The following PIR variants were observed in gnomAD, a reference collection of about 807,000 sequenced individuals.
PIR encodes pirin.
In PIR, 22 loss-of-function variants were observed where a neutral mutation model predicts 24.2. The observed-to-expected ratio is 0.91, with a 90% CI of 0.65 to 1.30. The LOEUF (loss-of-function observed/expected upper bound fraction) is 1.30, where lower values mean the gene tolerates loss of function less well. Ranked by LOEUF, PIR falls within the 50% of genes most tolerant of loss-of-function variation. PIR has a pLI of 0.00. For synonymous variants in PIR, 80 were observed against 79.6 expected (o/e 1.00, Z -0.03); for missense variants, 220 against 220.3 (o/e 1.00, Z 0.01).
At chrX:15,412,465 T>C (rs1022312512) in intron 6 of PIR, among the ~76,000 whole-genome samples, 1 of 112,384 alleles carries the variant, frequency 8.9e-6, no homozygotes, top group Admixed American at 9.5e-5. Context: ...AATGAACATA[T>C]ATGTTTGCCA....
chrX:15,391,196 G>A (rs144477953), intron 8 of PIR, among the ~76,000 whole-genome samples: 4,132 of 111,828 alleles, frequency 0.037, 148 homozygotes, highest in African/African-American at 0.12. Context: ...ATAATGTCTT[G>A]TAAGTTTTGT....
intron 8 of PIR, among the ~76,000 whole-genome samples, chrX:15,391,622 G>A (rs181306862): frequency 2.7e-5 from 3 of 111,951 alleles, no homozygotes; most frequent in African/African-American, 6.5e-5. Context: ...CTGTAGTTCC[G>A]TCAGAAGTGA....
intron 5 of PIR, among the ~76,000 whole-genome samples, chrX:15,449,123 C>T (rs1249087464): frequency 1.8e-5 from 2 of 111,915 alleles, no homozygotes; most frequent in African/African-American, 3.3e-5. Context: ...AGATGCTTGT[C>T]GGCCAGGACA....
chrX:15,473,790 C>T (rs1345387964), intron 3 of PIR, among the ~76,000 whole-genome samples: 1 of 112,193 alleles, frequency 8.9e-6, no homozygotes, highest in East Asian at 2.8e-4. Flanking sequence ...CTCCTGACCT[C>T]ATGATCCGCC....
intron 7 of PIR, among the ~76,000 whole-genome samples, chrX:15,402,368 C>T (rs757384654): frequency 8.9e-6 from 1 of 111,758 alleles, no homozygotes; most frequent in East Asian, 2.8e-4. Flanking sequence ...AAGGCATTTT[C>T]TTATTATTAA....
intron 5 of PIR, among the ~76,000 whole-genome samples, chrX:15,447,509 G>C (rs752919966): frequency 1.8e-5 from 2 of 111,463 alleles, no homozygotes; most frequent in African/African-American, 6.5e-5. Context: ...TAGTAGAGAC[G>C]GGGTTTCACC....
At chrX:15,456,477 C>G (rs1333972595) in intron 4 of PIR, among the ~76,000 whole-genome samples, 1 of 112,572 alleles carries the variant, frequency 8.9e-6, no homozygotes, top group Admixed American at 9.4e-5. Flanking sequence ...GCCAATCCAA[C>G]AGGGAGCTCT....
At chrX:15,488,909 G>T (rs770366970) in intron 2 of PIR, among the ~76,000 whole-genome samples, 1 of 105,037 alleles carries the variant, frequency 9.5e-6, no homozygotes, top group African/African-American at 3.4e-5. Flanking sequence ...TAATTTTTTT[G>T]TTTTTTTTTT....
At chrX:15,479,561 A>G (rs760113247) in intron 3 of PIR, among the ~76,000 whole-genome samples, 168 bp downstream of exon 3, 28 of 112,207 alleles carry the variant, frequency 2.5e-4, no homozygotes, top group African/African-American at 9.0e-4. Context: ...TTCAAAGAAT[A>G]CTAAAAACAG....
At chrX:15,470,044 G>A (rs1004342848) in intron 3 of PIR, among the ~76,000 whole-genome samples, 2 of 111,587 alleles carry the variant, frequency 1.8e-5, no homozygotes, top group Non-Finnish European at 3.8e-5. Flanking sequence ...TCAAAGTATT[G>A]AGAAAATATC....
intron 3 of PIR, among the ~76,000 whole-genome samples, chrX:15,463,590 A>G (rs1921404688): frequency 8.9e-6 from 1 of 112,114 alleles, no homozygotes; most frequent in African/African-American, 3.2e-5. Context: ...TAGCCTAGGC[A>G]GGGCCTTTAC....
At chrX:15,481,967 A>C (rs2147083188) in intron 2 of PIR, among the ~76,000 whole-genome samples, 1 of 111,701 alleles carries the variant, frequency 9.0e-6, no homozygotes, top group East Asian at 2.8e-4. Context: ...ATGTTCTCAT[A>C]GCCAAGGTCA....
chrX:15,457,946 G>A (rs1921148968), intron 4 of PIR, among the ~76,000 whole-genome samples: 1 of 111,997 alleles, frequency 8.9e-6, no homozygotes, highest in African/African-American at 3.2e-5. Flanking sequence ...GGCAACAGAG[G>A]CCATATGGTC....
intron 6 of PIR, among the ~76,000 whole-genome samples, chrX:15,408,557 A>G (rs911500545): frequency 8.9e-6 from 1 of 112,006 alleles, no homozygotes; most frequent in Non-Finnish European, 1.9e-5. Context: ...TTGCACTCTC[A>G]GCACCAACAC....
intron 2 of PIR, among the ~76,000 whole-genome samples, chrX:15,483,408 C>T (rs1294850390): frequency 3.6e-5 from 4 of 110,798 alleles, no homozygotes; most frequent in African/African-American, 1.3e-4. Flanking sequence ...ATCCCTCTTA[C>T]CCCTCTCCAT....
chrX:15,479,211 T>C (rs1488389367), intron 3 of PIR, among the ~76,000 whole-genome samples: 1 of 112,017 alleles, frequency 8.9e-6, no homozygotes, highest in Admixed American at 9.5e-5. Flanking sequence ...GCCCCTTGAT[T>C]CTATAATTCC....
intron 2 of PIR, among the ~76,000 whole-genome samples, chrX:15,481,873 T>C (rs1240834183): frequency 8.9e-6 from 1 of 111,949 alleles, no homozygotes; most frequent in Non-Finnish European, 1.9e-5. Context: ...GCAATTTCTC[T>C]GGGTTTTTAT....
chrX:15,459,461 G>T (rs1052640008), intron 4 of PIR, among the ~76,000 whole-genome samples, 196 bp downstream of exon 4: 1 of 112,121 alleles, frequency 8.9e-6, no homozygotes, highest in South Asian at 3.7e-4. Flanking sequence ...TGATTGAGGG[G>T]TCAAGGAAAG....
At chrX:15,393,782 C>T (rs1161621207) in intron 8 of PIR, among the ~76,000 whole-genome samples, 1 of 104,360 alleles carries the variant, frequency 9.6e-6, no homozygotes, top group Non-Finnish European at 1.9e-5. Flanking sequence ...ATTCAGGGCT[C>T]CTACTGATTC....
Sources: allele counts gnomAD v4.1 joint callset (sites outside exome capture counted in the v4.1 genomes callset), GRCh38; gene constraint gnomAD v4.1.1; transcripts MANE v1.5; gene names NCBI Gene and HGNC (gene_info 2026-07-23, HGNC 2026-07-21).